Variants in HHLA1 observed in about 807,000 individuals in gnomAD.
HHLA1 encodes the protein HHLA1 neighbor of OC90.
HHLA1 carries 72 observed loss-of-function variants against 69.9 expected under a neutral mutation model. The ratio of observed to expected loss-of-function variants is 1.03; its 90% CI spans 0.85 to 1.25. HHLA1 has a LOEUF of 1.25. HHLA1 is among the 50% of genes most tolerant of loss of function. The pLI, the probability that HHLA1 is intolerant of heterozygous loss-of-function variation, is 0.00. For missense variants in HHLA1, 685 were observed against 642.2 expected (o/e 1.07, Z -0.72); for synonymous variants, 252 against 233.2 (o/e 1.08, Z -0.73).
At chr8:132,100,185 C>A (rs1407615158) in intron 3 of HHLA1, 51 bp from the exon 4 acceptor site, 1 of 1,357,834 alleles carries the variant, frequency 7.4e-7, no homozygotes, top group Non-Finnish European at 1.0e-6. Flanking sequence ...CCAGTTCCTA[C>A]CCCCAGGAAT....
chr8:132,092,923 C>T lies in HHLA1; in HGVS notation c.448+2596G>A, dbSNP rs1285898252. On this transcript the variant is annotated intron_variant, in intron 7 of 16. Coordinates refer to ENST00000414222, the MANE Select transcript of HHLA1 (RefSeq NM_001145095.3). Reference sequence around the variant, plus strand: ...CAACAAGCTAGAAGGAGCCTGGGCCCCAAAACCATCAAACCATTAGAGCAG... The same window carrying T: ...CAACAAGCTAGAAGGAGCCTGGGCCTCAAAACCATCAAACCATTAGAGCAG... 3.3e-5 allele frequency among the ~76,000 whole-genome samples: 5 copies of T among 152,172 alleles called. No homozygotes were observed. The East Asian group carries it at 9.6e-4, about 29-fold the overall frequency.
intron 1 of HHLA1, among the ~76,000 whole-genome samples, chr8:132,108,030 A>G (rs1824234400): frequency 6.6e-6 from 1 of 152,200 alleles, no homozygotes; most frequent in Non-Finnish European, 1.5e-5. Context: ...ATCTGGGCTA[A>G]CTTACTTAAC....
chr8:132,100,673 T>G (rs1380461010), intron 3 of HHLA1, among the ~76,000 whole-genome samples: 1 of 152,190 alleles, frequency 6.6e-6, no homozygotes, highest in Non-Finnish European at 1.5e-5. Context: ...CAATGTGAAC[T>G]GGTAAAGGGG....
At chr8:132,105,429 C>T in intron 1 of HHLA1, 143 bp from the exon 2 acceptor site, 1 of 633,018 alleles carries the variant, frequency 1.6e-6, no homozygotes, top group South Asian at 1.9e-5. Flanking sequence ...GCTAAGGTAA[C>T]AAATTAACTC....
intron 10 of HHLA1, among the ~76,000 whole-genome samples, chr8:132,086,135 T>G (rs1966702): frequency 1.3e-5 from 2 of 152,048 alleles, no homozygotes; most frequent in Admixed American, 1.3e-4. Context: ...GGTTGCTCCA[T>G]GAAGAAAAGA....
intron 2 of HHLA1, among the ~76,000 whole-genome samples, chr8:132,104,453 G>A (rs1222460868): frequency 1.3e-5 from 2 of 152,198 alleles, no homozygotes; most frequent in African/African-American, 2.4e-5. Context: ...ACCTTGAAGG[G>A]AACGGTGAGG....
Position 132,104,147 on chromosome 8 carries a change from C to G in HHLA1, c.100G>C (p.Ala34Pro), listed in dbSNP as rs1425670344. The G allele has an allele frequency of 6.4e-7, 1 of 1,550,922 alleles. No homozygotes were observed. The change falls in exon 3 of 17, where the codon GCC becomes CCC. Residue 34 changes from alanine to proline, a missense_variant. Ala to Pro is a conservative substitution (Grantham distance 27). Coordinates refer to ENST00000414222, the MANE Select transcript of HHLA1 (RefSeq NM_001145095.3). ...WNTVSGIKGEAKKEKGMTFLP... is the reference protein window; with the variant it reads ...WNTVSGIKGEPKKEKGMTFLP... ...AAGGTCATTCCCTTCTCTTTCTTGG[C>G]TTCTCCTTTGATGCCAGACACTAAA...
intron 7 of HHLA1, among the ~76,000 whole-genome samples, chr8:132,094,131 T>G (rs560470763): frequency 3.9e-5 from 6 of 152,318 alleles, no homozygotes; most frequent in Middle Eastern, 3.4e-3. Flanking sequence ...AGAGAATGCT[T>G]GCATTCACTG....
intron 10 of HHLA1, among the ~76,000 whole-genome samples, chr8:132,082,587 G>T (rs1823775032): frequency 6.6e-6 from 1 of 152,092 alleles, no homozygotes; most frequent in African/African-American, 2.4e-5. Flanking sequence ...AGTAATGGGG[G>T]CTGTCTGTGA....
chr8:132,089,799 A>T (rs2130891179), intron 7 of HHLA1, among the ~76,000 whole-genome samples, 200 bp from the exon 8 acceptor site: 1 of 152,316 alleles, frequency 6.6e-6, no homozygotes, highest in South Asian at 2.1e-4. Context: ...GAAACTTTGG[A>T]TCCACTGTTA....
intron 15 of HHLA1, chr8:132,070,511 C>T (rs139018834): frequency 9.9e-5 from 62 of 626,756 alleles, no homozygotes; most frequent in Admixed American, 2.9e-4. Flanking sequence ...CTTAACATGA[C>T]ACAAGTTAAC....
chr8:132,083,271 G>T (rs1333934646), intron 10 of HHLA1, among the ~76,000 whole-genome samples: 1 of 152,122 alleles, frequency 6.6e-6, no homozygotes, highest in African/African-American at 2.4e-5. Flanking sequence ...TATTGTCTAA[G>T]TTGGCACCAG....
At chr8:132,101,060 A>T in intron 3 of HHLA1, 1 of 1,129,230 alleles carries the variant, frequency 8.9e-7, no homozygotes, top group Non-Finnish European at 1.2e-6. Flanking sequence ...GTACAAAAAA[A>T]GCTAGTATCA....
intron 10 of HHLA1, among the ~76,000 whole-genome samples, chr8:132,082,516 G>C (rs1823773716): frequency 6.6e-6 from 1 of 152,056 alleles, no homozygotes; most frequent in African/African-American, 2.4e-5. Context: ...GAGCACGTGT[G>C]TTTTTATGAG....
intron 14 of HHLA1, 38 bp from the exon 15 acceptor site, chr8:132,071,531 A>T (rs1351292728): frequency 2.6e-6 from 4 of 1,541,714 alleles, no homozygotes; most frequent in Non-Finnish European, 3.5e-6. Flanking sequence ...AATCAGTAAG[A>T]GTTTAGTAAG....
Position 132,087,712 on chromosome 8 carries a change from A to G in HHLA1, c.617T>C (p.Ile206Thr), listed in dbSNP as rs1263933990. 11 of 1,551,390 alleles carry G rather than the reference A, an allele frequency of 7.1e-6. No homozygotes were observed. The highest frequency in any genetic ancestry group is 5.9e-5 in the South Asian group (5 of 84,060). ...SGRNLSDFWEIEEKYPIINYT... is the reference protein window; with the variant it reads ...SGRNLSDFWETEEKYPIINYT... Reference sequence around the variant, plus strand: ...ATTGATAATGGGATATTTTTCTTCTATCTCCCAGAAGTCAGAAAGATTCCT... The same window carrying G: ...ATTGATAATGGGATATTTTTCTTCTGTCTCCCAGAAGTCAGAAAGATTCCT... Residue 206 changes from isoleucine (I) to threonine (T), a missense_variant, in exon 10 of 17, where the codon ATA becomes ACA. Physicochemically the swap from Ile to Thr is moderately conservative, Grantham distance 89. Transcript: ENST00000414222.
At chr8:132,084,216 G>A (rs925001185) in intron 10 of HHLA1, among the ~76,000 whole-genome samples, 117 of 152,244 alleles carry the variant, frequency 7.7e-4, no homozygotes, top group Non-Finnish European at 1.5e-3. Context: ...GTGAGGAGGG[G>A]AGGTGATAAA....
At chr8:132,095,482 T>A (rs1319040514) in intron 7 of HHLA1, 37 bp downstream of exon 7, 87 of 1,383,938 alleles carry the variant, frequency 6.3e-5, no homozygotes, top group Non-Finnish European at 8.5e-5. Context: ...CAAGCAAAAT[T>A]GGAAAAGCTG....
At chr8:132,090,789 C>T (rs959584673) in intron 7 of HHLA1, among the ~76,000 whole-genome samples, 5 of 144,152 alleles carry the variant, frequency 3.5e-5, no homozygotes, top group East Asian at 4.1e-4. Flanking sequence ...GATGGAGTCT[C>T]GCTCTGTGGC....
Sources: allele counts gnomAD v4.1 joint callset (sites outside exome capture counted in the v4.1 genomes callset), GRCh38; gene constraint gnomAD v4.1.1; transcripts MANE v1.5; gene names NCBI Gene and HGNC (gene_info 2026-07-23, HGNC 2026-07-21).